RGS3: variants seen among roughly 807,000 people sequenced by gnomAD.
RGS3 encodes the protein regulator of G protein signaling 3.
In RGS3, 80 loss-of-function variants were observed where a neutral mutation model predicts 132.6. The observed-to-expected ratio is 0.60, with a 90% CI of 0.50 to 0.73. The LOEUF (loss-of-function observed/expected upper bound fraction) is 0.73. Ranked by LOEUF, RGS3 falls within the 30% of genes least tolerant of loss-of-function variation. The probability of loss-of-function intolerance (pLI) is 0.00; values close to 1 mark genes in which losing one functional copy is unlikely to be tolerated. For missense variants in RGS3, 1,382 were observed against 1,530.8 expected, an observed-to-expected ratio of 0.90 and a Z score of 1.62; for synonymous variants, 598 against 620.6, an observed-to-expected ratio of 0.96 and a Z score of 0.54.
intron 19 of RGS3, among the ~76,000 whole-genome samples, chr9:113,544,433 C>A (rs1833027454): frequency 6.6e-6 from 1 of 151,746 alleles, no homozygotes; most frequent in African/African-American, 2.4e-5. Flanking sequence ...ACATTGCAGA[C>A]CTTTTGGAAA....
At position 113,595,592 on chromosome 9, in the gene RGS3, C is replaced by T. The variant is rs1564628601; in HGVS notation, c.3245-7C>T. The T allele has an allele frequency of 6.2e-7, 1 of 1,613,586 alleles. No individual in the cohort carries two copies. The highest frequency in any genetic ancestry group is 2.2e-5 in the East Asian group (1 of 44,876). On this transcript the variant is annotated splice_region_variant and splice_polypyrimidine_tract_variant and intron_variant, in intron 23 of 24. Coordinates refer to ENST00000350696, the Ensembl canonical transcript of RGS3. ...GCCTCTTACCCCAGGATCCGTTCTC[C>T]TCACAGACGGGTTAGCAGTGTTCCA...
chr9:113,556,019 C>A (rs913057310), intron 19 of RGS3, among the ~76,000 whole-genome samples: 1 of 152,148 alleles, frequency 6.6e-6, no homozygotes, highest in African/African-American at 2.4e-5. Flanking sequence ...AGCCTGAAAA[C>A]ATTTGCCCTC....
At chr9:113,451,950 GA>G (rs1403780026) in intron 1 of RGS3, among the ~76,000 whole-genome samples, 1 of 151,944 alleles carries the variant, frequency 6.6e-6, no homozygotes, top group Admixed American at 6.6e-5. Context: ...TTCATTTTTG[GA>G]AGATATTTTT....
rs540133806 is a variant in RGS3, at chr9:113,579,663, C to T, written c.2038-3787C>T. Reference sequence around the variant, plus strand: ...CTCACTGGGTCCCCAGCTGCCTGTACTTCCTCTATCAGAGCAGTCCCCATG... The same window carrying T: ...CTCACTGGGTCCCCAGCTGCCTGTATTTCCTCTATCAGAGCAGTCCCCATG... On this transcript the variant is annotated intron_variant, in intron 19 of 24. Transcript: ENST00000350696. The surrounding 1 kb of genome is among the most constrained non-coding windows in gnomAD (Gnocchi z 4.3). Among the ~76,000 whole-genome samples, 8 of 152,328 alleles carry T rather than the reference C, an allele frequency of 5.3e-5. No homozygotes were observed. The South Asian group carries it at 1.7e-3, about 32-fold the overall frequency.
At chr9:113,523,125 C>A in intron 17 of RGS3, 84 bp downstream of exon 15, 1 of 889,952 alleles carries the variant, frequency 1.1e-6, no homozygotes, top group Non-Finnish European at 1.9e-6. Flanking sequence ...GATCTGGCTG[C>A]CAGTCATCCG....
chr9:113,559,220 G>A (rs1833691858), intron 19 of RGS3, among the ~76,000 whole-genome samples: 1 of 152,248 alleles, frequency 6.6e-6, no homozygotes, highest in Admixed American at 6.5e-5. Context: ...CAGGAACATG[G>A]GCTGACAGGA....
intron 16 of RGS3, chr9:113,522,381 G>A (rs193043848): frequency 1.3e-5 from 2 of 152,490 alleles, no homozygotes; most frequent in Admixed American, 1.3e-4. Flanking sequence ...TGTTTGGGCT[G>A]TTGAGAAAAC....
In RGS3 at chr9:113,463,644, C is replaced by A. The variant is rs1440521768; in HGVS notation, c.415+1443C>A. The A allele has an allele frequency of 1.5e-6, 2 of 1,352,730 alleles. No individual in the cohort carries two copies. Among genetic ancestry groups the A allele is most frequent in the African/African-American group, 1.5e-5 (1 of 65,110 alleles). The allele number at this position is 1,352,730 out of a possible 1,614,324, so 83.8% of individuals were successfully genotyped here. ...GTGGAACTCTCCCCATTCAAACCCG[C>A]GCGGGCCAATCAGGGCCGGGCGCGC... On this transcript the variant is annotated intron_variant, in intron 3 of 24. Coordinates refer to ENST00000350696, the Ensembl canonical transcript of RGS3. This position sits in a 1 kb window ranked among gnomAD's most constrained non-coding sequence, Gnocchi z 4.6.
chr9:113,512,657 T>TC (rs753063719), intron 14 of RGS3, among the ~76,000 whole-genome samples: 3 of 151,932 alleles, frequency 2.0e-5, no homozygotes, highest in Admixed American at 1.3e-4. Flanking sequence ...GGCCACCTGT[T>TC]CCCCCCTCGC....
At chr9:113,459,283 A>G (rs187268733), upstream of RGS3, among the ~76,000 whole-genome samples, 229 of 152,300 alleles carry the variant, frequency 1.5e-3, 1 homozygote, top group Middle Eastern at 6.8e-3. Flanking sequence ...TGGATTTTCT[A>G]TAATTTTGTC....
intron 19 of RGS3, among the ~76,000 whole-genome samples, chr9:113,576,520 C>CTAAATTTT (rs1834533108): frequency 6.6e-6 from 1 of 151,958 alleles, no homozygotes; most frequent in African/African-American, 2.4e-5. Flanking sequence ...TTGGTAGAGA[C>CTAAATTTT]GGGGTTTCAC....
intron 19 of RGS3, among the ~76,000 whole-genome samples, chr9:113,554,497 G>A (rs1833485740): frequency 6.6e-6 from 1 of 152,200 alleles, no homozygotes; most frequent in South Asian, 2.1e-4. Flanking sequence ...AGTAGAGATG[G>A]GGTTTCACCA....
At chr9:113,557,161 C>T (rs1306684334) in intron 19 of RGS3, among the ~76,000 whole-genome samples, 1 of 152,222 alleles carries the variant, frequency 6.6e-6, no homozygotes, top group Non-Finnish European at 1.5e-5. Context: ...ACCCAGCTTC[C>T]AGGAGTAAAT....
At chr9:113,459,308 T>C (rs1829420424), upstream of RGS3, among the ~76,000 whole-genome samples, 2 of 152,216 alleles carry the variant, frequency 1.3e-5, no homozygotes, top group Admixed American at 1.3e-4. Flanking sequence ...AGAGTTTTGG[T>C]TTCCTTTTCT....
rs139505649 is a variant in RGS3 at position 113,563,394 on chromosome 9, ACAACT to A, written c.2038-20053_2038-20049del. Among the ~76,000 whole-genome samples the A allele has an allele frequency of 1.6e-3, 248 of 152,274 alleles. 2 individuals carry two copies. Among genetic ancestry groups the A allele is most frequent in the African/African-American group, 5.5e-3 (228 of 41,534 alleles). ...ACTGTTTGTTGATTGAAAGAAGGTG[ACAACT>A]CAGCTGAAGCTCGAGGGCACCTCTG... On this transcript the variant is annotated intron_variant, in intron 19 of 24. Transcript: ENST00000350696.
intron 16 of RGS3, among the ~76,000 whole-genome samples, chr9:113,518,117 C>T (rs1233793213): frequency 6.6e-6 from 1 of 152,210 alleles, no homozygotes; most frequent in Non-Finnish European, 1.5e-5. Flanking sequence ...GGACCTGTGT[C>T]ACCCTTCCTG....
At chr9:113,509,679 T>A (rs1241819987) in intron 14 of RGS3, among the ~76,000 whole-genome samples, 1 of 152,084 alleles carries the variant, frequency 6.6e-6, no homozygotes. Context: ...TGACAGTGGC[T>A]TTTGCTTAGC....
intron 2 of RGS3, chr9:113,461,890 C>T: frequency 6.2e-7 from 1 of 1,602,796 alleles, no homozygotes; most frequent in Non-Finnish European, 8.5e-7. Flanking sequence ...CATCACCTTC[C>T]CTTTTCCCTG....
chr9:113,550,426 T>A (rs1228727424), intron 19 of RGS3, among the ~76,000 whole-genome samples: 1 of 152,226 alleles, frequency 6.6e-6, no homozygotes. Flanking sequence ...AATAAATGCC[T>A]GTTAGTAGAG....
Sources: allele counts gnomAD v4.1 joint callset (sites outside exome capture counted in the v4.1 genomes callset), GRCh38; gene constraint gnomAD v4.1.1; non-coding constraint Gnocchi (gnomAD v3.1); transcripts MANE v1.5; gene names NCBI Gene and HGNC (gene_info 2026-07-23, HGNC 2026-07-21).